ZMYM4: variants seen among roughly 807,000 people sequenced by gnomAD.
ZMYM4 encodes the protein zinc finger MYM-type containing 4, also known as zinc finger MYM-type protein 4.
In ZMYM4, 31 loss-of-function variants were observed where a neutral mutation model predicts 183.2. That is an observed-to-expected ratio of 0.17 (90% CI 0.13 to 0.23). The LOEUF is 0.23. Ranked by LOEUF, ZMYM4 falls within the 10% of genes least tolerant of loss-of-function variation. ZMYM4 has a pLI of 1.00. For missense variants in ZMYM4, 1,273 were observed against 1,840.3 expected (o/e 0.69, Z 5.64); for synonymous variants, 592 against 631.2 (o/e 0.94, Z 0.93).
At chr1:35,411,167 A>C (rs953326383) in intron 26 of ZMYM4, among the ~76,000 whole-genome samples, 3 of 149,880 alleles carry the variant, frequency 2.0e-5, no homozygotes, top group Non-Finnish European at 4.4e-5. Flanking sequence ...ACTCTCAGTT[A>C]TAATCCATTT....
At chr1:35,346,557 A>G (rs1643397348) in intron 2 of ZMYM4, among the ~76,000 whole-genome samples, 2 of 149,518 alleles carry the variant, frequency 1.3e-5, no homozygotes, top group Non-Finnish European at 1.5e-5. Flanking sequence ...GAGCTGAGGC[A>G]GGAGAATCAC....
At chr1:35,416,202 G>C (rs1363084704) in intron 28 of ZMYM4, among the ~76,000 whole-genome samples, 2 of 152,122 alleles carry the variant, frequency 1.3e-5, no homozygotes, top group Non-Finnish European at 2.9e-5. Context: ...TAATAGCAGT[G>C]ACAATTTTAT....
chr1:35,349,986 C>CA lies in ZMYM4; in HGVS notation c.86-8938dup, dbSNP rs1401803781. ...TTTTTATATATATATATTTTAAAGA[C>CA]AGAGTCTCTCTCTGTCACCCAGGCT... On this transcript the variant is annotated intron_variant, in intron 2 of 29. Coordinates refer to ENST00000314607, the MANE Select transcript of ZMYM4 (RefSeq NM_005095.3). Among the ~76,000 whole-genome samples, 4 of 150,328 alleles carry CA rather than the reference C, an allele frequency of 2.7e-5. No individual in the cohort carries two copies. In the South Asian group the frequency reaches 8.4e-4, roughly 31 times the overall value.
Position 35,415,819 on chromosome 1 carries a change from G to A in ZMYM4, c.4309+105G>A, listed in dbSNP as rs1341166281. ...TTATAAATGCTAGACGTGAAAGAGT[G>A]TACCTTTAACATTTGAATATTTTTC... On this transcript the variant is annotated intron_variant, in intron 28 of 29. Transcript: ENST00000314607. 8 of 1,401,838 alleles carry A rather than the reference G, an allele frequency of 5.7e-6. No homozygotes were observed. In the East Asian group the frequency reaches 1.5e-4, roughly 25 times the overall value. 86.8% of individuals were successfully genotyped at this position (1,401,838 alleles called of 1,614,324 possible).
At position 35,422,024 on chromosome 1, in the gene ZMYM4, A is replaced by G. The variant is rs920204909; in HGVS notation, c.*2347A>G. 1 of 152,224 alleles carries G rather than the reference A, an allele frequency of 6.6e-6. No individual in the cohort carries two copies. The highest frequency in any genetic ancestry group is 2.1e-4 in the South Asian group (1 of 4,838). The allele number at this position is 152,224 out of a possible 1,614,324, so 9.4% of individuals were successfully genotyped here. A position where few individuals can be genotyped will look rare whatever the true frequency, so the allele number is the denominator to read the frequency against. ...TTGACCTTATTGGTATGACCCAGCA[A>G]TTAGTAAAATTACAAAGAAAGAGAG... On this transcript the variant is annotated 3_prime_UTR_variant, in exon 30 of 30. Coordinates refer to ENST00000314607, the MANE Select transcript of ZMYM4 (RefSeq NM_005095.3).
At chr1:35,392,394 T>C (rs201477514) in intron 16 of ZMYM4, 42 bp downstream of exon 16, 1 of 1,588,384 alleles carries the variant, frequency 6.3e-7, no homozygotes, top group East Asian at 2.2e-5. Context: ...CTATTTAGGT[T>C]GAATGCAGTG....
chr1:35,270,382 A>G (rs1639535224), intron 1 of ZMYM4, among the ~76,000 whole-genome samples: 1 of 152,250 alleles, frequency 6.6e-6, no homozygotes, highest in Non-Finnish European at 1.5e-5. Context: ...ACAATTTATT[A>G]GGAAAATATT....
At chr1:35,380,515 A>G (rs1644432961) in intron 7 of ZMYM4, among the ~76,000 whole-genome samples, 1 of 152,014 alleles carries the variant, frequency 6.6e-6, no homozygotes, top group African/African-American at 2.4e-5. Context: ...TTTTAGAGAG[A>G]CGGGGTTTCA....
chr1:35,387,431 A>G (rs1227395967), intron 12 of ZMYM4, 23 bp from the exon 13 acceptor site: 6 of 1,592,122 alleles, frequency 3.8e-6, no homozygotes, highest in Non-Finnish European at 5.1e-6. Flanking sequence ...TTTAATTAGT[A>G]CTTAATGATT....
chr1:35,377,270 A>G (rs1644355921), intron 7 of ZMYM4, among the ~76,000 whole-genome samples: 1 of 152,184 alleles, frequency 6.6e-6, no homozygotes, highest in African/African-American at 2.4e-5. Context: ...ACTACTCACT[A>G]AATATCCTTC....
At chr1:35,356,369 A>G (rs1367738181) in intron 2 of ZMYM4, among the ~76,000 whole-genome samples, 1 of 152,208 alleles carries the variant, frequency 6.6e-6, no homozygotes, top group Non-Finnish European at 1.5e-5. Flanking sequence ...TACAGAGCAC[A>G]TGCTATGTGG....
intron 3 of ZMYM4, among the ~76,000 whole-genome samples, chr1:35,360,391 G>T (rs914668404): frequency 6.6e-6 from 1 of 152,064 alleles, no homozygotes; most frequent in East Asian, 1.9e-4. Context: ...AGCTGTGAAG[G>T]AAAGCAAGTA....
intron 9 of ZMYM4, among the ~76,000 whole-genome samples, chr1:35,382,905 T>C (rs1644497311): frequency 6.6e-6 from 1 of 152,214 alleles, no homozygotes; most frequent in South Asian, 2.1e-4. Context: ...GAGATTTGCA[T>C]ATATACTTCT....
chr1:35,325,399 G>C lies in ZMYM4; in HGVS notation c.79G>C (p.Glu27Gln), dbSNP rs775226880. Residue 27 changes from glutamate (E) to glutamine (Q), a missense_variant, in exon 2 of 30, where the codon GAG becomes CAG. Coordinates refer to ENST00000314607, the MANE Select transcript of ZMYM4 (RefSeq NM_005095.3). ...TGGTGCAGTTTTTGATGAAATTGTA[G>C]AGAACTGTAAGTACCATTTGAGAAA... is the stretch of plus-strand genomic sequence containing the variant. ...KSGAVFDEIVENCGGIMDTEM... is the reference protein window; with the variant it reads ...KSGAVFDEIVQNCGGIMDTEM... 5 of 1,603,116 alleles carry C rather than the reference G, an allele frequency of 3.1e-6. No homozygotes were observed. The highest frequency in any genetic ancestry group is 3.4e-6 in the Non-Finnish European group (4 of 1,174,486).
At chr1:35,270,031 C>T (rs1293703407) in intron 1 of ZMYM4, among the ~76,000 whole-genome samples, 2 of 152,208 alleles carry the variant, frequency 1.3e-5, no homozygotes, top group Non-Finnish European at 2.9e-5. Context: ...GCCCTTTCAG[C>T]TTAGCGTAAA....
At chr1:35,318,143 C>T (rs1444664053) in intron 1 of ZMYM4, among the ~76,000 whole-genome samples, 4 of 147,918 alleles carry the variant, frequency 2.7e-5, no homozygotes, top group Admixed American at 6.8e-5. Context: ...ACTGCAACCT[C>T]TGCCTCCCGG....
At chr1:35,304,906 C>T (rs143848867) in intron 1 of ZMYM4, among the ~76,000 whole-genome samples, 2,659 of 151,950 alleles carry the variant, frequency 0.017, 72 homozygotes, top group African/African-American at 0.06. Context: ...AGTGCTGTGG[C>T]GCAATCTCAG....
chr1:35,389,733 C>T lies in ZMYM4; in HGVS notation c.2437-215C>T, dbSNP rs1021900980. Among the ~76,000 whole-genome samples, 4 of 139,692 alleles carry T rather than the reference C, an allele frequency of 2.9e-5. No homozygotes were observed. The highest frequency in any genetic ancestry group is 5.4e-5 in the African/African-American group (2 of 36,724). 91.6% of individuals were successfully genotyped at this position (139,692 alleles called of 152,430 possible). A position where few individuals can be genotyped will look rare whatever the true frequency, so the allele number is the denominator to read the frequency against. On this transcript the variant is annotated intron_variant, in intron 14 of 29. Coordinates refer to ENST00000314607, the MANE Select transcript of ZMYM4 (RefSeq NM_005095.3). This position sits in a 1 kb window ranked among gnomAD's most constrained non-coding sequence, Gnocchi z 4.0. Reference sequence around the variant, plus strand: ...TCACGCCACTGCACTCCAGCCTGGGCGATAGAGCAAGGCTCTGTCTCAAAA... The same window carrying T: ...TCACGCCACTGCACTCCAGCCTGGGTGATAGAGCAAGGCTCTGTCTCAAAA...
At chr1:35,322,307 T>C (rs1642315715) in intron 1 of ZMYM4, among the ~76,000 whole-genome samples, 1 of 152,226 alleles carries the variant, frequency 6.6e-6, no homozygotes, top group Non-Finnish European at 1.5e-5. Context: ...TTCATTCATA[T>C]TACCTTTAAG....
Sources: gnomAD v4.1 joint callset for allele counts (sites outside exome capture counted in the v4.1 genomes callset) on GRCh38, gnomAD v4.1.1 for gene constraint, Gnocchi (gnomAD v3.1) non-coding constraint, MANE v1.5 for transcripts, NCBI Gene and HGNC (gene_info 2026-07-23, HGNC 2026-07-21) for gene names.